PCDH9: variants seen among roughly 807,000 people sequenced by gnomAD.
PCDH9 encodes protocadherin-9.
Under a neutral mutation model 70.6 loss-of-function variants are expected in PCDH9, and 24 were observed. The observed-to-expected ratio is 0.34, with a 90% CI of 0.25 to 0.48. PCDH9 has a LOEUF of 0.48. PCDH9 is among the 20% of genes least tolerant of loss of function. The pLI is 0.99. For missense variants in PCDH9, 1,281 were observed against 1,503.6 expected (o/e 0.85, Z 2.45); for synonymous variants, 562 against 558.5 (o/e 1.01, Z -0.09).
At chr13:66,480,877 A>G (rs982506363) in intron 4 of PCDH9, among the ~76,000 whole-genome samples, 2 of 152,228 alleles carry the variant, frequency 1.3e-5, no homozygotes, top group African/African-American at 2.4e-5. Context: ...TTATTACAGT[A>G]CTGTTCACAA....
intron 4 of PCDH9, among the ~76,000 whole-genome samples, chr13:66,509,888 A>G (rs1959382042): frequency 6.6e-6 from 1 of 152,218 alleles, no homozygotes; most frequent in Non-Finnish European, 1.5e-5. Context: ...AGAAAAATGC[A>G]ACTTAACTGG....
At chr13:66,529,659 T>C (rs1235408789) in intron 4 of PCDH9, among the ~76,000 whole-genome samples, 1 of 152,074 alleles carries the variant, frequency 6.6e-6, no homozygotes, top group East Asian at 1.9e-4. Context: ...TGTGTTTTTT[T>C]CCCGTTTGCA....
At position 66,472,443 on chromosome 13, in the gene PCDH9, G is replaced by C. The variant is rs1399167044; in HGVS notation, c.3340+158767C>G. ...ACAAATTAGTCAGGCATGGTGGCAT[G>C]CACCTGTAGTCCTAGCTTCAGAGGC... On this transcript the variant is annotated intron_variant, in intron 4 of 4. Transcript: ENST00000377865. 5.3e-5 allele frequency among the ~76,000 whole-genome samples: 8 copies of C among 151,884 alleles called. No homozygotes were observed. In the East Asian group the frequency reaches 1.6e-3, roughly 30 times the overall value.
intron 3 of PCDH9, among the ~76,000 whole-genome samples, chr13:66,784,718 AAACT>A (rs2080052833): frequency 6.6e-6 from 1 of 152,182 alleles, no homozygotes; most frequent in African/African-American, 2.4e-5. Context: ...TAAAACAATC[AAACT>A]AACAACATTT....
At chr13:66,980,730 G>GTTTTTTTTTTTTTTTTTTTTTTTTTT in intron 2 of PCDH9, among the ~76,000 whole-genome samples, 15 of 70,872 alleles carry the variant, frequency 2.1e-4, no homozygotes, top group Admixed American at 3.7e-4. Context: ...TTTTTTCTTT[G>GTTTTTTTTTTTTTTTTTTTTTTTTTT]TTTTTTTTTT....
At chr13:66,305,190 C>T (rs1955443647) in intron 4 of PCDH9, among the ~76,000 whole-genome samples, 162 bp from the exon 5 acceptor site, 1 of 152,000 alleles carries the variant, frequency 6.6e-6, no homozygotes, top group Admixed American at 6.6e-5. Flanking sequence ...TAAAGATTAA[C>T]ACAAAAGGCA....
intron 4 of PCDH9, among the ~76,000 whole-genome samples, chr13:66,311,528 T>C (rs950663383): frequency 6.6e-6 from 1 of 152,102 alleles, no homozygotes; most frequent in African/African-American, 2.4e-5. Flanking sequence ...ATAGACACCC[T>C]AATATCCACT....
intron 2 of PCDH9, among the ~76,000 whole-genome samples, chr13:67,180,149 C>T (rs553867144): frequency 6.6e-6 from 1 of 152,186 alleles, no homozygotes; most frequent in South Asian, 2.1e-4. Context: ...GTGTGATATA[C>T]TGAGATGCTT....
chr13:67,100,176 AC>A (rs1005229759), intron 2 of PCDH9, among the ~76,000 whole-genome samples: 2 of 152,140 alleles, frequency 1.3e-5, no homozygotes, highest in African/African-American at 4.8e-5. Context: ...AGGCCAGCTG[AC>A]CCATAACATA....
At chr13:66,897,205 G>A (rs548978049) in intron 3 of PCDH9, among the ~76,000 whole-genome samples, 40 of 151,912 alleles carry the variant, frequency 2.6e-4, no homozygotes, top group African/African-American at 9.2e-4. Flanking sequence ...AATATTTATG[G>A]AAGGAAGAAA....
intron 4 of PCDH9, among the ~76,000 whole-genome samples, chr13:66,518,987 T>TA (rs2138604036): frequency 6.6e-6 from 1 of 152,304 alleles, no homozygotes; most frequent in South Asian, 2.1e-4. Flanking sequence ...GTGTCCCAGA[T>TA]ATAATATACA....
chr13:66,933,733 T>A (rs1343392072), intron 2 of PCDH9, among the ~76,000 whole-genome samples: 1 of 152,162 alleles, frequency 6.6e-6, no homozygotes, highest in East Asian at 1.9e-4. Context: ...GTGTCATCAA[T>A]CAAATCTTAG....
At chr13:66,499,861 G>A (rs1959167593) in intron 4 of PCDH9, among the ~76,000 whole-genome samples, 1 of 152,154 alleles carries the variant, frequency 6.6e-6, no homozygotes. Context: ...TTTCACAAGA[G>A]AGCTGGTTGT....
chr13:66,309,511 G>A (rs979621082), intron 4 of PCDH9, among the ~76,000 whole-genome samples: 1 of 151,836 alleles, frequency 6.6e-6, no homozygotes, highest in Non-Finnish European at 1.5e-5. Context: ...TTTTAAAAAT[G>A]TTATTAAATA....
At chr13:66,681,937 G>C (rs9540866) in intron 3 of PCDH9, among the ~76,000 whole-genome samples, 141,688 of 146,266 alleles carry the variant, frequency 0.97, 68,824 homozygotes, top group Non-Finnish European at 1. Flanking sequence ...GGGTACATAT[G>C]AGTATATACA....
chr13:66,755,551 C>T (rs1390052381), intron 3 of PCDH9, among the ~76,000 whole-genome samples: 6 of 152,098 alleles, frequency 3.9e-5, no homozygotes, highest in African/African-American at 1.4e-4. Context: ...ATATAGATGT[C>T]CACTATCTTG....
chr13:66,818,550 A>G (rs529479748), intron 3 of PCDH9, among the ~76,000 whole-genome samples: 1 of 152,370 alleles, frequency 6.6e-6, no homozygotes, highest in East Asian at 1.9e-4. Context: ...TATAAAATCA[A>G]TAGACTAATT....
At chr13:66,662,039 GTA>G (rs1005673525) in intron 3 of PCDH9, among the ~76,000 whole-genome samples, 56 of 104,138 alleles carry the variant, frequency 5.4e-4, no homozygotes, top group African/African-American at 2.0e-3. Flanking sequence ...TCCTTTGTGA[GTA>G]TGTGTGTGTG....
chr13:66,378,304 C>G (rs1378264194), intron 4 of PCDH9, among the ~76,000 whole-genome samples: 1 of 152,060 alleles, frequency 6.6e-6, no homozygotes, highest in Non-Finnish European at 1.5e-5. Context: ...AGAAGTAATC[C>G]ATCCTGAGTT....
Sources: allele counts gnomAD v4.1 joint callset (sites outside exome capture counted in the v4.1 genomes callset), GRCh38; gene constraint gnomAD v4.1.1; transcripts MANE v1.5; gene names NCBI Gene and HGNC (gene_info 2026-07-23, HGNC 2026-07-21).